PSD3: variants seen among roughly 807,000 people sequenced by gnomAD.
PSD3 encodes PH and SEC7 domain-containing protein 3.
In PSD3, 49 loss-of-function variants were observed where a neutral mutation model predicts 105.5. The observed-to-expected ratio is 0.46, with a 90% CI of 0.37 to 0.59. PSD3 has a LOEUF of 0.59. Ranked by LOEUF, PSD3 falls within the 20% of genes least tolerant of loss-of-function variation. The pLI is 0.00. For synonymous variants in PSD3, 557 were observed against 457.8 expected, an observed-to-expected ratio of 1.22 and a Z score of -2.77; for missense variants, 1,561 against 1,263.8, an observed-to-expected ratio of 1.24 and a Z score of -3.57.
chr8:18,900,800 G>A (rs1437284596), intron 2 of PSD3, among the ~76,000 whole-genome samples: 3 of 151,918 alleles, frequency 2.0e-5, no homozygotes, highest in African/African-American at 7.3e-5. Context: ...CCAACATGGA[G>A]ATCACTTTTT....
At chr8:18,630,373 G>C (rs1806808629) in intron 11 of PSD3, among the ~76,000 whole-genome samples, 1 of 151,880 alleles carries the variant, frequency 6.6e-6, no homozygotes, top group Non-Finnish European at 1.5e-5. Flanking sequence ...TATGTATTAG[G>C]CCGCTGAGGG....
chr8:18,895,169 C>T (rs986596156), intron 2 of PSD3, among the ~76,000 whole-genome samples: 6 of 152,204 alleles, frequency 3.9e-5, no homozygotes, highest in Non-Finnish European at 7.3e-5. Context: ...GCCCCCTGCA[C>T]CTATCATCCC....
At chr8:18,752,816 T>C (rs1302264678) in intron 9 of PSD3, among the ~76,000 whole-genome samples, 1 of 149,056 alleles carries the variant, frequency 6.7e-6, no homozygotes. Flanking sequence ...ATTGCTGTTT[T>C]TGGGAGTGAA....
chr8:18,600,829 T>C (rs765711657), intron 11 of PSD3, among the ~76,000 whole-genome samples: 2 of 152,192 alleles, frequency 1.3e-5, no homozygotes, highest in Non-Finnish European at 1.5e-5. Flanking sequence ...AAAGAGCTCA[T>C]GTACCAGAGC....
At chr8:18,627,538 T>A (rs902824236) in intron 11 of PSD3, among the ~76,000 whole-genome samples, 2 of 152,032 alleles carry the variant, frequency 1.3e-5, no homozygotes, top group Non-Finnish European at 2.9e-5. Context: ...GTGTAATACA[T>A]GCCATATTGG....
intron 2 of PSD3, among the ~76,000 whole-genome samples, chr8:18,904,712 G>C (rs1222157951): frequency 6.6e-6 from 1 of 152,140 alleles, no homozygotes; most frequent in African/African-American, 2.4e-5. Context: ...ATTTTTTTCT[G>C]TAAAGGACCA....
At chr8:18,652,493 G>GTTTTTTTTTTTTTTTTT (rs67555804) in intron 10 of PSD3, among the ~76,000 whole-genome samples, 26 of 92,596 alleles carry the variant, frequency 2.8e-4, no homozygotes, top group Non-Finnish European at 4.4e-4. Flanking sequence ...AAAAAGCTTA[G>GTTTTTTTTTTTTTTTTT]TTTTTTTTTT....
intron 4 of PSD3, among the ~76,000 whole-genome samples, chr8:18,838,528 G>T (rs933092092): frequency 6.6e-6 from 1 of 152,106 alleles, no homozygotes. Flanking sequence ...CCGGCTGAGC[G>T]TGGTGGCTCA....
intron 2 of PSD3, among the ~76,000 whole-genome samples, chr8:18,935,569 T>G (rs1366719725): frequency 1.3e-5 from 2 of 151,488 alleles, no homozygotes; most frequent in Non-Finnish European, 2.9e-5. Context: ...TGGTGGCATA[T>G]GCCTGTAGTC....
intron 12 of PSD3, among the ~76,000 whole-genome samples, chr8:18,578,580 G>T (rs1802607145): frequency 1.3e-5 from 2 of 152,008 alleles, no homozygotes; most frequent in South Asian, 4.1e-4. Context: ...CAGGTGAATA[G>T]GAAACACAAA....
intron 12 of PSD3, among the ~76,000 whole-genome samples, chr8:18,596,216 C>G (rs944419810): frequency 6.6e-6 from 1 of 150,972 alleles, no homozygotes; most frequent in Non-Finnish European, 1.5e-5. Flanking sequence ...CAAAAATGGA[C>G]AAACAATATG....
intron 2 of PSD3, among the ~76,000 whole-genome samples, chr8:18,881,583 T>C (rs1265295699): frequency 6.6e-6 from 1 of 152,176 alleles, no homozygotes; most frequent in Non-Finnish European, 1.5e-5. Flanking sequence ...ACCGTTTTCA[T>C]GCGGGATTCT....
chr8:18,961,271 A>C (rs1014975406), intron 1 of PSD3, among the ~76,000 whole-genome samples: 1 of 152,220 alleles, frequency 6.6e-6, no homozygotes, highest in African/African-American at 2.4e-5. Flanking sequence ...TTTTACTTTG[A>C]CAACTCAATA....
At chr8:18,705,343 C>G (rs1417633242) in intron 9 of PSD3, among the ~76,000 whole-genome samples, 1 of 151,974 alleles carries the variant, frequency 6.6e-6, no homozygotes, top group South Asian at 2.1e-4. Flanking sequence ...GCCAGGGCAA[C>G]ATGGCTTAAG....
intron 1 of PSD3, among the ~76,000 whole-genome samples, chr8:18,963,907 C>A (rs1236778744): frequency 6.6e-6 from 1 of 152,174 alleles, no homozygotes; most frequent in Admixed American, 6.5e-5. Flanking sequence ...TGCTTACTTA[C>A]TGTCTCTCTG....
At chr8:19,040,039 A>G (rs1828068770) in intron 1 of PSD3, among the ~76,000 whole-genome samples, 1 of 152,158 alleles carries the variant, frequency 6.6e-6, no homozygotes, top group Non-Finnish European at 1.5e-5. Context: ...CACCAACCTA[A>G]ATGAATGAGG....
At chr8:18,687,420 C>A (rs1234412673) in intron 9 of PSD3, among the ~76,000 whole-genome samples, 1 of 151,774 alleles carries the variant, frequency 6.6e-6, no homozygotes, top group African/African-American at 2.4e-5. Context: ...GAGCTGTGAT[C>A]ATACAACTGC....
Position 18,616,618 on chromosome 8 carries a change from C to CTTTT in PSD3, c.2410+15991_2410+15994dup, listed in dbSNP as rs36197855. Among the ~76,000 whole-genome samples, 47 of 72,316 alleles carry CTTTT rather than the reference C, an allele frequency of 6.5e-4. 2 individuals are homozygous for CTTTT. Among genetic ancestry groups the CTTTT allele is most frequent in the South Asian group, 1.6e-3 (4 of 2,486 alleles). The allele number at this position is 72,316 out of a possible 152,430, so 47.4% of individuals were successfully genotyped here. On this transcript the variant is annotated intron_variant, in intron 11 of 15. Coordinates refer to ENST00000327040, the MANE Select transcript of PSD3 (RefSeq NM_015310.4). ...TGCTAGCCAGGCCTCATCTTCCTCT[C>CTTTT]TTTTCTTTTCTTTTTTTTTTTTTGA...
intron 9 of PSD3, among the ~76,000 whole-genome samples, chr8:18,726,097 A>G (rs1215807348): frequency 6.6e-6 from 1 of 152,148 alleles, no homozygotes; most frequent in Admixed American, 6.5e-5. Flanking sequence ...GAAGACAAAC[A>G]CAAGAGGAGA....
Sources: allele counts gnomAD v4.1 joint callset (sites outside exome capture counted in the v4.1 genomes callset), GRCh38; gene constraint gnomAD v4.1.1; transcripts MANE v1.5; gene names NCBI Gene and HGNC (gene_info 2026-07-23, HGNC 2026-07-21).